The following PTPRT variants were observed in gnomAD, a reference collection of about 807,000 sequenced individuals.
PTPRT encodes the protein protein tyrosine phosphatase receptor type T.
Under a neutral mutation model 176.8 loss-of-function variants are expected in PTPRT, and 56 were observed. The ratio of observed to expected loss-of-function variants is 0.32; its 90% CI spans 0.26 to 0.40. PTPRT has a LOEUF of 0.40. PTPRT is among the 10% of genes least tolerant of loss of function. PTPRT has a pLI of 1.00. For missense variants in PTPRT, 1,540 were observed against 1,908.2 expected (o/e 0.81, Z 3.60); for synonymous variants, 783 against 739.0 (o/e 1.06, Z -0.96).
At position 42,677,863 on chromosome 20, in the gene PTPRT, T is replaced by G. The variant is rs764774123; in HGVS notation, c.1153+3A>C. 6.2e-7 allele frequency: 1 copy of G among 1,600,642 alleles called. No homozygotes were observed. Among genetic ancestry groups the G allele is most frequent in the South Asian group, 1.1e-5 (1 of 88,850 alleles). On this transcript the variant is annotated splice_donor_region_variant and intron_variant, in intron 7 of 30. Transcript: ENST00000373187. ...TGGAGCCTGGGAAAAAAAAAAATCT[T>G]ACCTGCACACTTGGTCCTGGTGGTG...
chr20:42,413,290 T>G (rs1210086256), intron 9 of PTPRT, among the ~76,000 whole-genome samples: 1 of 152,226 alleles, frequency 6.6e-6, no homozygotes, highest in East Asian at 1.9e-4. Context: ...CCCAGTGGTT[T>G]GAGTGCTTCT....
chr20:42,643,289 T>A (rs763679150), intron 7 of PTPRT, among the ~76,000 whole-genome samples: 1 of 152,150 alleles, frequency 6.6e-6, no homozygotes, highest in Non-Finnish European at 1.5e-5. Context: ...CAAAAACCCA[T>A]GAGGTACATG....
chr20:42,738,739 G>A (rs2076570167), intron 6 of PTPRT, among the ~76,000 whole-genome samples: 1 of 152,144 alleles, frequency 6.6e-6, no homozygotes, highest in Non-Finnish European at 1.5e-5. Flanking sequence ...AGACTAAGAT[G>A]GCACTGTCCA....
chr20:42,712,601 C>T (rs1157236562), intron 6 of PTPRT, among the ~76,000 whole-genome samples: 5 of 152,140 alleles, frequency 3.3e-5, no homozygotes, highest in African/African-American at 9.7e-5. Flanking sequence ...ACTCCCTATT[C>T]ATAGCACAAG....
chr20:43,128,441 C>A (rs1203072441), intron 1 of PTPRT, among the ~76,000 whole-genome samples: 1 of 152,176 alleles, frequency 6.6e-6, no homozygotes, highest in Non-Finnish European at 1.5e-5. Context: ...GACAAATAAG[C>A]AATTTGTTGC....
chr20:42,628,520 T>TCCTCTCTC (rs2074340985), intron 7 of PTPRT, among the ~76,000 whole-genome samples: 1 of 152,126 alleles, frequency 6.6e-6, no homozygotes, highest in Non-Finnish European at 1.5e-5. Flanking sequence ...TTACCTCTCT[T>TCCTCTCTC]CCTCTCTCCA....
At chr20:42,383,663 T>C (rs1037490202) in intron 9 of PTPRT, among the ~76,000 whole-genome samples, 2 of 152,172 alleles carry the variant, frequency 1.3e-5, no homozygotes. Flanking sequence ...TGCAAGCATA[T>C]TATATTTTGT....
chr20:42,459,656 G>A (rs1215345085), intron 8 of PTPRT, among the ~76,000 whole-genome samples: 2 of 152,090 alleles, frequency 1.3e-5, no homozygotes, highest in South Asian at 2.1e-4. Flanking sequence ...ACAAAGCCAG[G>A]GGGTCTCAAT....
At chr20:42,678,924 T>C (rs540461588) in intron 6 of PTPRT, among the ~76,000 whole-genome samples, 1 of 152,306 alleles carries the variant, frequency 6.6e-6, no homozygotes, top group Admixed American at 6.5e-5. Flanking sequence ...CAAAAAGTGA[T>C]ATGAGCCTAA....
intron 2 of PTPRT, among the ~76,000 whole-genome samples, chr20:42,867,745 T>C (rs2078773073): frequency 6.9e-6 from 1 of 144,172 alleles, no homozygotes; most frequent in Non-Finnish European, 1.5e-5. Context: ...CCAGAGGCAC[T>C]ATGTCGGCTC....
intron 1 of PTPRT, among the ~76,000 whole-genome samples, chr20:43,061,341 C>T (rs1024319150): frequency 6.6e-6 from 1 of 152,182 alleles, no homozygotes; most frequent in Non-Finnish European, 1.5e-5. Context: ...ACTCAAGAGG[C>T]CAGGTGGATG....
At chr20:42,881,187 G>C (rs142908256) in intron 2 of PTPRT, among the ~76,000 whole-genome samples, 95 of 152,328 alleles carry the variant, frequency 6.2e-4, no homozygotes, top group Middle Eastern at 6.8e-3. Flanking sequence ...CACTCATGCA[G>C]ACATCCTCCA....
chr20:42,599,264 C>G (rs891055691), intron 7 of PTPRT, among the ~76,000 whole-genome samples: 1 of 152,138 alleles, frequency 6.6e-6, no homozygotes, highest in African/African-American at 2.4e-5. Context: ...AGAGAGAAAA[C>G]ATGACAACTT....
At chr20:42,947,442 T>A (rs1254416444) in intron 1 of PTPRT, among the ~76,000 whole-genome samples, 1 of 152,080 alleles carries the variant, frequency 6.6e-6, no homozygotes, top group African/African-American at 2.4e-5. Flanking sequence ...TCTCCTGTTC[T>A]CCATAGAGCA....
chr20:42,501,028 C>T (rs1182457512), intron 7 of PTPRT, among the ~76,000 whole-genome samples: 1 of 152,104 alleles, frequency 6.6e-6, no homozygotes, highest in Non-Finnish European at 1.5e-5. Flanking sequence ...AGGTGAATTT[C>T]CACAATACTG....
chr20:43,129,995 A>G (rs1372186057), intron 1 of PTPRT, among the ~76,000 whole-genome samples: 2 of 152,196 alleles, frequency 1.3e-5, no homozygotes, highest in African/African-American at 4.8e-5. Context: ...GAGGCAGGAG[A>G]CACAAGGAAA....
chr20:42,558,900 A>G (rs571451985), intron 7 of PTPRT, among the ~76,000 whole-genome samples: 7 of 152,238 alleles, frequency 4.6e-5, no homozygotes, highest in Admixed American at 4.6e-4. Flanking sequence ...TAAGACTCTG[A>G]ACAGAATTCT....
intron 16 of PTPRT, among the ~76,000 whole-genome samples, chr20:42,187,859 G>A (rs1399912623): frequency 6.6e-6 from 1 of 152,156 alleles, no homozygotes; most frequent in African/African-American, 2.4e-5. Flanking sequence ...CTTTTCTATA[G>A]GTCCTCCTAT....
chr20:42,529,847 GAAAAAAAA>G lies in PTPRT; in HGVS notation c.1154-57293_1154-57286del, dbSNP rs140817588. The stretch of plus-strand genomic sequence containing the variant: ...CTTATTCCTGTGCAACTTGTTAGAG[GAAAAAAAA>G]AAAAAAAAAAGAAAAAAAAGACTTG... On this transcript the variant is annotated intron_variant, in intron 7 of 30. Coordinates refer to ENST00000373187, the MANE Select transcript of PTPRT (RefSeq NM_007050.6). 3.2e-3 allele frequency among the ~76,000 whole-genome samples: 342 copies of G among 108,496 alleles called. 4 individuals are homozygous for G. The highest frequency in any genetic ancestry group is 0.011 in the African/African-American group (331 of 29,406). The allele number at this position is 108,496 out of a possible 152,430, so 71.2% of individuals were successfully genotyped here. A position where few individuals can be genotyped will look rare whatever the true frequency, so the allele number is the denominator to read the frequency against.
Sources: allele counts gnomAD v4.1 joint callset (sites outside exome capture counted in the v4.1 genomes callset), GRCh38; gene constraint gnomAD v4.1.1; transcripts MANE v1.5; gene names NCBI Gene and HGNC (gene_info 2026-07-23, HGNC 2026-07-21).